Variants in ASAP1 observed in about 807,000 individuals in gnomAD.
The protein encoded by ASAP1 is arf-GAP with SH3 domain, ANK repeat and PH domain-containing protein 1.
ASAP1 carries 43 observed loss-of-function variants against 145.2 expected under a neutral mutation model. The observed-to-expected ratio is 0.30, with a 90% confidence interval of 0.23 to 0.38. The LOEUF is 0.38. Among genes scored for constraint, ASAP1 ranks in the 10% least tolerant of loss-of-function variants. The pLI, the probability that ASAP1 is intolerant of heterozygous loss-of-function variation, is 1.00. For missense variants in ASAP1, 1,018 were observed against 1,355.3 expected, an observed-to-expected ratio of 0.75 and a Z score of 3.91; for synonymous variants, 546 against 515.5, an observed-to-expected ratio of 1.06 and a Z score of -0.80.
At chr8:130,204,678 T>C (rs1186286233) in intron 5 of ASAP1, among the ~76,000 whole-genome samples, 2 of 152,188 alleles carry the variant, frequency 1.3e-5, no homozygotes, top group African/African-American at 4.8e-5. Flanking sequence ...TTCTCTAGTC[T>C]CTCTCTTCCC....
intron 3 of ASAP1, among the ~76,000 whole-genome samples, chr8:130,285,899 T>C (rs1255569088): frequency 6.6e-6 from 1 of 152,104 alleles, no homozygotes; most frequent in Non-Finnish European, 1.5e-5. Flanking sequence ...AAAAGCAAAA[T>C]AATGAGCCAA....
chr8:130,149,842 T>C (rs1429812132), intron 13 of ASAP1, among the ~76,000 whole-genome samples: 2 of 152,198 alleles, frequency 1.3e-5, no homozygotes, highest in Non-Finnish European at 2.9e-5. Flanking sequence ...ATGAGTGATG[T>C]TACTGGCAGC....
chr8:130,209,206 T>C (rs772745220), intron 5 of ASAP1, among the ~76,000 whole-genome samples: 1 of 152,144 alleles, frequency 6.6e-6, no homozygotes, highest in Non-Finnish European at 1.5e-5. Flanking sequence ...ACACAACCAA[T>C]AAAGTATGCA....
At chr8:130,383,738 C>T (rs527783181) in intron 2 of ASAP1, among the ~76,000 whole-genome samples, 11 of 152,302 alleles carry the variant, frequency 7.2e-5, no homozygotes, top group African/African-American at 2.6e-4. Flanking sequence ...AAGACAGAGG[C>T]CTGACCACAC....
chr8:130,144,165 A>G (rs957300634), intron 13 of ASAP1, among the ~76,000 whole-genome samples: 4 of 152,200 alleles, frequency 2.6e-5, no homozygotes, highest in African/African-American at 9.7e-5. Flanking sequence ...CATACAATCA[A>G]TAACTACAAC....
At chr8:130,229,115 GAA>G (rs1817760103) in intron 4 of ASAP1, among the ~76,000 whole-genome samples, 1 of 152,196 alleles carries the variant, frequency 6.6e-6, no homozygotes, top group African/African-American at 2.4e-5. Flanking sequence ...GATTATCAAT[GAA>G]AACCAGTTCA....
At position 130,053,334 on chromosome 8, in the gene ASAP1, A is replaced by G. The variant is rs2097396988; in HGVS notation, c.*1397T>C. On this transcript the variant is annotated 3_prime_UTR_variant, in exon 30 of 30. Transcript: ENST00000518721. ...AGCCTCGGACTCAGGGAACAGTTCC[A>G]CTGACTGTGGAGTACAACTATTGCA... 1 of 152,254 alleles carries G rather than the reference A, an allele frequency of 6.6e-6. No homozygotes were observed. The highest frequency in any genetic ancestry group is 1.5e-5 in the Non-Finnish European group (1 of 68,038). 9.4% of individuals were successfully genotyped at this position (152,254 alleles called of 1,614,324 possible). A position where few individuals can be genotyped will look rare whatever the true frequency, so the allele number is the denominator to read the frequency against.
chr8:130,071,605 A>G (rs1247246005), intron 27 of ASAP1, among the ~76,000 whole-genome samples: 6 of 152,196 alleles, frequency 3.9e-5, no homozygotes, highest in African/African-American at 7.2e-5. Context: ...GCTGAGAGTA[A>G]ACAAATAAAT....
chr8:130,429,868 T>C (rs138729709), intron 1 of ASAP1, among the ~76,000 whole-genome samples: 1 of 152,354 alleles, frequency 6.6e-6, no homozygotes, highest in Non-Finnish European at 1.5e-5. Flanking sequence ...GCCCTGCTTA[T>C]GCAAACTCCT....
chr8:130,308,458 C>T (rs1001893217), intron 3 of ASAP1, among the ~76,000 whole-genome samples: 2 of 152,062 alleles, frequency 1.3e-5, no homozygotes, highest in Non-Finnish European at 2.9e-5. Flanking sequence ...GAATAAGATA[C>T]GGATGTTCTT....
intron 5 of ASAP1, among the ~76,000 whole-genome samples, chr8:130,201,530 A>T (rs1370781896): frequency 6.6e-6 from 1 of 152,250 alleles, no homozygotes; most frequent in Non-Finnish European, 1.5e-5. Flanking sequence ...ATCATCTCCT[A>T]CATCAAGTGA....
chr8:130,319,148 A>G (rs942896887), intron 3 of ASAP1, among the ~76,000 whole-genome samples: 1 of 152,210 alleles, frequency 6.6e-6, no homozygotes, highest in Non-Finnish European at 1.5e-5. Context: ...GAGCTAGTTG[A>G]GCACCTTGGT....
At chr8:130,406,224 A>C (rs1360908692) in intron 1 of ASAP1, among the ~76,000 whole-genome samples, 1 of 151,948 alleles carries the variant, frequency 6.6e-6, no homozygotes, top group Non-Finnish European at 1.5e-5. Flanking sequence ...AAAAGAAAAG[A>C]AAGTTCATGA....
intron 5 of ASAP1, among the ~76,000 whole-genome samples, chr8:130,209,201 A>C (rs1271950091): frequency 6.6e-6 from 1 of 152,188 alleles, no homozygotes; most frequent in Non-Finnish European, 1.5e-5. Context: ...TCCCTACACA[A>C]CCAATAAAGT....
chr8:130,109,795 T>A (rs2097543745), intron 24 of ASAP1, among the ~76,000 whole-genome samples: 1 of 152,230 alleles, frequency 6.6e-6, no homozygotes. Flanking sequence ...GAGCTAGCTA[T>A]GGGATATCGC....
chr8:130,135,665 G>A (rs2097592911), intron 14 of ASAP1, among the ~76,000 whole-genome samples: 1 of 152,112 alleles, frequency 6.6e-6, no homozygotes, highest in Non-Finnish European at 1.5e-5. Context: ...AAAACTGATA[G>A]GGCTTTCATG....
At chr8:130,437,817 G>A (rs550800927) in intron 1 of ASAP1, among the ~76,000 whole-genome samples, 7 of 152,248 alleles carry the variant, frequency 4.6e-5, no homozygotes, top group East Asian at 1.9e-4. Context: ...TGGCTTCTGC[G>A]TAACTCCCAC....
chr8:130,272,804 G>A (rs1156681513), intron 3 of ASAP1, among the ~76,000 whole-genome samples: 2 of 152,186 alleles, frequency 1.3e-5, no homozygotes, highest in Non-Finnish European at 2.9e-5. Flanking sequence ...AAATGTTGAG[G>A]TAGAAAGTGG....
At chr8:130,138,165 C>A (rs186226759) in intron 13 of ASAP1, among the ~76,000 whole-genome samples, 5 of 152,270 alleles carry the variant, frequency 3.3e-5, no homozygotes, top group African/African-American at 1.2e-4. Flanking sequence ...AATCAAGACA[C>A]CTTCAATGAC....
Sources: allele counts gnomAD v4.1 joint callset (sites outside exome capture counted in the v4.1 genomes callset), GRCh38; gene constraint gnomAD v4.1.1; transcripts MANE v1.5; gene names NCBI Gene and HGNC (gene_info 2026-07-23, HGNC 2026-07-21).